Variants in SPMIP2 observed in about 807,000 individuals in gnomAD.
The protein encoded by SPMIP2 is protein SPMIP2.
the SPMIP2 span, among the ~76,000 whole-genome samples, chr4:159,039,890 A>G: frequency 6.6e-6 from 1 of 152,280 alleles, no homozygotes; most frequent in African/African-American, 2.4e-5. Flanking sequence ...ATCTTGTTTT[A>G]ACATTTGCGA....
chr4:158,988,969 A>G, the SPMIP2 span, among the ~76,000 whole-genome samples: 1 of 152,134 alleles, frequency 6.6e-6, no homozygotes. Context: ...TGACATAATT[A>G]TATCTTTACA....
chr4:159,062,329 C>A, the SPMIP2 span, among the ~76,000 whole-genome samples: 1 of 152,126 alleles, frequency 6.6e-6, no homozygotes, highest in African/African-American at 2.4e-5. Context: ...TAATATTTTT[C>A]CTTTATTACT....
chr4:158,973,692 C>T, the SPMIP2 span, among the ~76,000 whole-genome samples: 1 of 152,088 alleles, frequency 6.6e-6, no homozygotes, highest in Non-Finnish European at 1.5e-5. Flanking sequence ...ATATAATCAA[C>T]TTAATACAGA....
At chr4:158,960,398 G>T in the SPMIP2 span, 2 of 1,027,932 alleles carry the variant, frequency 1.9e-6, no homozygotes, top group Non-Finnish European at 2.9e-6. Context: ...GAGGTGGCCG[G>T]TCTAAGTATC....
At chr4:159,012,739 A>T in the SPMIP2 span, among the ~76,000 whole-genome samples, 5 of 151,636 alleles carry the variant, frequency 3.3e-5, no homozygotes, top group African/African-American at 1.2e-4. Context: ...GCCCAGCTAA[A>T]TTTTTTTTAT....
the SPMIP2 span, among the ~76,000 whole-genome samples, chr4:158,926,471 C>T: frequency 2.3e-3 from 347 of 152,140 alleles, 1 homozygote; most frequent in Middle Eastern, 0.034. Context: ...TTAATATTTA[C>T]AAATTTTTAA....
At chr4:159,022,232 A>T in the SPMIP2 span, among the ~76,000 whole-genome samples, 1 of 152,172 alleles carries the variant, frequency 6.6e-6, no homozygotes, top group East Asian at 1.9e-4. Context: ...TTAACTTCAG[A>T]TTTGTTTGCA....
At chr4:159,031,703 T>G in the SPMIP2 span, among the ~76,000 whole-genome samples, 5 of 152,182 alleles carry the variant, frequency 3.3e-5, no homozygotes, top group African/African-American at 1.2e-4. Context: ...CAATAAAATA[T>G]GTAAGTGAAA....
At chr4:159,027,495 T>C in the SPMIP2 span, among the ~76,000 whole-genome samples, 1 of 152,126 alleles carries the variant, frequency 6.6e-6, no homozygotes, top group African/African-American at 2.4e-5. Context: ...AAAATAAAAA[T>C]AGACAAATAA....
At chr4:159,070,869 A>G in the SPMIP2 span, among the ~76,000 whole-genome samples, 3 of 152,190 alleles carry the variant, frequency 2.0e-5, no homozygotes, top group African/African-American at 7.2e-5. Flanking sequence ...AATGTTTTAG[A>G]GGGAAAGTTG....
At chr4:159,078,921 C>G in the SPMIP2 span, among the ~76,000 whole-genome samples, 13 of 152,050 alleles carry the variant, frequency 8.5e-5, no homozygotes, top group Non-Finnish European at 1.3e-4. Context: ...AGTTTGAGAC[C>G]AGCTTGGCCA....
At chr4:158,933,091 T>C in the SPMIP2 span, among the ~76,000 whole-genome samples, 1 of 152,042 alleles carries the variant, frequency 6.6e-6, no homozygotes, top group African/African-American at 2.4e-5. Context: ...GCAACCTCCA[T>C]CTTCTGGGTT....
chr4:158,974,211 T>C, the SPMIP2 span, among the ~76,000 whole-genome samples: 10 of 125,208 alleles, frequency 8.0e-5, no homozygotes, highest in Non-Finnish European at 1.5e-4. Flanking sequence ...TATTTGTATT[T>C]TAAAAGTAAA....
the SPMIP2 span, among the ~76,000 whole-genome samples, chr4:158,998,276 G>A: frequency 1.3e-5 from 2 of 152,306 alleles, no homozygotes; most frequent in Non-Finnish European, 2.9e-5. Flanking sequence ...TTTGGCACAT[G>A]AGCCATGGTT....
chr4:159,058,404 C>T, the SPMIP2 span, among the ~76,000 whole-genome samples: 1 of 151,886 alleles, frequency 6.6e-6, no homozygotes, highest in African/African-American at 2.4e-5. Context: ...TTGTGTTGCC[C>T]TTGATTACTG....
chr4:159,017,351 A>C, the SPMIP2 span, among the ~76,000 whole-genome samples: 26 of 61,048 alleles, frequency 4.3e-4, no homozygotes, highest in African/African-American at 1.3e-3. Context: ...ACAAACACAA[A>C]CACATACACA....
At chr4:158,911,063 C>T in the SPMIP2 span, among the ~76,000 whole-genome samples, 1 of 152,172 alleles carries the variant, frequency 6.6e-6, no homozygotes, top group Admixed American at 6.5e-5. Context: ...ACATCATAAA[C>T]AGTACCAACT....
chr4:159,075,273 G>A, the SPMIP2 span, among the ~76,000 whole-genome samples: 1 of 152,084 alleles, frequency 6.6e-6, no homozygotes, highest in Non-Finnish European at 1.5e-5. Context: ...CATTTCATGT[G>A]ACAGAAACAA....
chr4:159,043,301 T>A, the SPMIP2 span, among the ~76,000 whole-genome samples: 3 of 152,230 alleles, frequency 2.0e-5, no homozygotes, highest in African/African-American at 4.8e-5. Flanking sequence ...TCTTCCTGGG[T>A]AAATGCATTT....
Sources: gnomAD v4.1 joint callset for allele counts (sites outside exome capture counted in the v4.1 genomes callset) on GRCh38, gnomAD v4.1.1 for gene constraint, MANE v1.5 for transcripts, NCBI Gene and HGNC (gene_info 2026-07-23, HGNC 2026-07-21) for gene names.